SOBP: variants seen among roughly 807,000 people sequenced by gnomAD.
The protein encoded by SOBP is sine oculis binding protein homolog.
SOBP carries 4 observed loss-of-function variants against 53.6 expected under a neutral mutation model. That is an observed-to-expected ratio of 0.07 (90% confidence interval 0.04 to 0.17). The LOEUF (loss-of-function observed/expected upper bound fraction) is 0.17. Ranked by LOEUF, SOBP falls within the 10% of genes least tolerant of loss-of-function variation. The pLI, the probability that SOBP is intolerant of heterozygous loss-of-function variation, is 1.00. For missense variants in SOBP, 1,088 were observed against 1,204.7 expected, an observed-to-expected ratio of 0.90 and a Z score of 1.43; for synonymous variants, 584 against 522.6, an observed-to-expected ratio of 1.12 and a Z score of -1.60.
Position 107,635,199 on chromosome 6 carries a change from G to A in SOBP, c.2355G>A (p.Glu785=). The change falls in exon 6 of 7, where the codon GAG becomes GAA. Residue 785 remains glutamate (E), a synonymous_variant. Transcript: ENST00000317357. This position sits in a 1 kb window ranked among gnomAD's most constrained non-coding sequence, Gnocchi z 4.5. ...CTTCCAACTGCCACCTGGACGGGGA[G>A]GCGGCCAAAAAGCTGATGGGCGAGG... ...NCASNCHLDG[E]AAKKLMGEEA... is the part of the protein sequence containing the mutation. 1 of 1,613,888 alleles carries A rather than the reference G, an allele frequency of 6.2e-7. No homozygotes were observed. Among genetic ancestry groups the A allele is most frequent in the South Asian group, 1.1e-5 (1 of 91,082 alleles).
Position 107,490,598 on chromosome 6 carries a change from A to C in SOBP, c.-19A>C. On this transcript the variant is annotated 5_prime_UTR_variant, in exon 1 of 7. Transcript: ENST00000317357. ...GCGGCAGCAGCCATTTCATCTCCAC[A>C]GAAACCAGACACAAAAACATGGCAG... 1.3e-5 allele frequency: 20 copies of C among 1,585,974 alleles called. No individual in the cohort carries two copies. The highest frequency in any genetic ancestry group is 1.7e-5 in the Non-Finnish European group (20 of 1,163,372).
rs71810335 is a variant in SOBP, at chr6:107,602,568, T to TAAAAAAAAAAAAA, written c.669+15400_669+15412dup. ...CCTCTGCATAGCAACTAAGCCGCGTTAAAAAAAAAAAAAAAAAAAGGAAAG... is the reference window on the plus strand; with the variant it reads ...CCTCTGCATAGCAACTAAGCCGCGTTAAAAAAAAAAAAAAAAAAAAAAAAAAAAAAAAGGAAAG... On this transcript the variant is annotated intron_variant, in intron 5 of 6. Coordinates refer to ENST00000317357, the MANE Select transcript of SOBP (RefSeq NM_018013.4). 7.9e-4 allele frequency among the ~76,000 whole-genome samples: 81 copies of TAAAAAAAAAAAAA among 102,760 alleles called. 2 individuals carry two copies. Among genetic ancestry groups the TAAAAAAAAAAAAA allele is most frequent in the African/African-American group, 2.7e-3 (69 of 25,248 alleles). 67.4% of individuals were successfully genotyped at this position (102,760 alleles called of 152,430 possible).
chr6:107,621,558 A>G (rs1770175596), intron 5 of SOBP, among the ~76,000 whole-genome samples: 1 of 152,218 alleles, frequency 6.6e-6, no homozygotes, highest in Non-Finnish European at 1.5e-5. Context: ...ACTCTCACAC[A>G]GGTTTTAATT....
intron 5 of SOBP, among the ~76,000 whole-genome samples, chr6:107,598,865 T>C (rs1182478765): frequency 6.6e-6 from 1 of 152,206 alleles, no homozygotes; most frequent in Non-Finnish European, 1.5e-5. Flanking sequence ...TTCAAGCCAA[T>C]TTTCCTGTAA....
chr6:107,562,030 CTTTTTT>C lies in SOBP; in HGVS notation c.574-25037_574-25032del, dbSNP rs1213715418. 4.6e-5 allele frequency among the ~76,000 whole-genome samples: 6 copies of C among 130,632 alleles called. 1 individual carries two copies. The highest frequency in any genetic ancestry group is 1.4e-4 in the African/African-American group (5 of 35,848). 85.7% of individuals were successfully genotyped at this position (130,632 alleles called of 152,430 possible). A position where few individuals can be genotyped will look rare whatever the true frequency, so the allele number is the denominator to read the frequency against. ...CTTGCTTCTTAGTGGCTCCCTGGTTCTTTTTTTTTTTTTTTTTTGAGACAGGGTCTC... is the reference window on the plus strand; with the variant it reads ...CTTGCTTCTTAGTGGCTCCCTGGTTCTTTTTTTTTTTTGAGACAGGGTCTC... On this transcript the variant is annotated intron_variant, in intron 4 of 6. Transcript: ENST00000317357.
At chr6:107,605,053 C>A (rs982680346) in intron 5 of SOBP, among the ~76,000 whole-genome samples, 1 of 152,146 alleles carries the variant, frequency 6.6e-6, no homozygotes. Flanking sequence ...TCTTCCTCCT[C>A]CCCCCTCCAC....
At chr6:107,514,763 A>G (rs1375542417) in intron 3 of SOBP, 2 of 152,214 alleles carry the variant, frequency 1.3e-5, no homozygotes, top group African/African-American at 2.4e-5. Flanking sequence ...CCCTATATTT[A>G]TAAAATCCTT....
At chr6:107,655,811 G>A (rs1772009434) in intron 6 of SOBP, among the ~76,000 whole-genome samples, 1 of 152,176 alleles carries the variant, frequency 6.6e-6, no homozygotes, top group Admixed American at 6.5e-5. Flanking sequence ...TGCTGTCCGT[G>A]TTTGGTCTTT....
chr6:107,637,064 G>GA (rs1771078505), intron 6 of SOBP, among the ~76,000 whole-genome samples: 1 of 152,066 alleles, frequency 6.6e-6, no homozygotes, highest in African/African-American at 2.4e-5. Context: ...CCACCTCAGT[G>GA]GGTAAAACAA....
rs1160662200 is a variant in SOBP, at chr6:107,660,345, A to G, written c.*2142A>G. Among the ~76,000 whole-genome samples the G allele has an allele frequency of 1.3e-5, 2 of 152,168 alleles. No individual in the cohort carries two copies. Among genetic ancestry groups the G allele is most frequent in the African/African-American group, 2.4e-5 (1 of 41,438 alleles). ...GCTAGACCACGCTTGTCTGCAGACA[A>G]GAGCCCACTCCGTCCGTTCCAGGGC... On this transcript the variant is annotated 3_prime_UTR_variant, in exon 7 of 7. Coordinates refer to ENST00000317357, the MANE Select transcript of SOBP (RefSeq NM_018013.4).
chr6:107,632,332 A>C (rs150721217), intron 5 of SOBP, among the ~76,000 whole-genome samples: 143 of 149,344 alleles, frequency 9.6e-4, no homozygotes, highest in Non-Finnish European at 1.7e-3. Flanking sequence ...GCCCCCCCCC[A>C]AAAAAAAGGA....
chr6:107,588,834 A>G (rs926773219), intron 5 of SOBP, among the ~76,000 whole-genome samples: 3 of 152,208 alleles, frequency 2.0e-5, no homozygotes, highest in Admixed American at 6.5e-5. Context: ...GTTTTGAGCA[A>G]TTTGGTACAA....
chr6:107,606,035 C>T (rs980498055), intron 5 of SOBP, among the ~76,000 whole-genome samples: 1 of 150,804 alleles, frequency 6.6e-6, no homozygotes, highest in African/African-American at 2.4e-5. Context: ...CTTTCATAGC[C>T]ATTGAGAAAC....
chr6:107,533,423 T>C (rs772327595), intron 3 of SOBP, 36 bp from the exon 4 acceptor site: 1 of 1,612,608 alleles, frequency 6.2e-7, no homozygotes, highest in South Asian at 1.1e-5. Flanking sequence ...GATGTTTGCT[T>C]CTGATATGAA....
intron 4 of SOBP, among the ~76,000 whole-genome samples, chr6:107,562,095 A>G (rs1368750376): frequency 2.0e-5 from 3 of 148,542 alleles, no homozygotes; most frequent in Non-Finnish European, 3.0e-5. Context: ...CAGTGGTGCA[A>G]TCTTGGCTCA....
intron 1 of SOBP, among the ~76,000 whole-genome samples, chr6:107,501,472 A>G (rs540382111): frequency 6.6e-6 from 1 of 152,338 alleles, no homozygotes; most frequent in African/African-American, 2.4e-5. Flanking sequence ...AAAACTGGAT[A>G]TAGTCACTAG....
intron 3 of SOBP, among the ~76,000 whole-genome samples, chr6:107,523,744 C>T (rs7743906): frequency 6.6e-6 from 1 of 152,226 alleles, no homozygotes; most frequent in Non-Finnish European, 1.5e-5. Flanking sequence ...CTTACACCTG[C>T]CTACTACAGT....
At chr6:107,507,631 G>T (rs944173002) in intron 3 of SOBP, among the ~76,000 whole-genome samples, 1 of 152,036 alleles carries the variant, frequency 6.6e-6, no homozygotes, top group Non-Finnish European at 1.5e-5. Flanking sequence ...TAGCTCGTCA[G>T]CTATCGTTAA....
intron 6 of SOBP, among the ~76,000 whole-genome samples, chr6:107,638,578 C>T (rs907391201): frequency 2.0e-5 from 3 of 152,114 alleles, no homozygotes; most frequent in Non-Finnish European, 2.9e-5. Flanking sequence ...CCAGACCGTT[C>T]ATATGGTTGG....
Sources: allele counts gnomAD v4.1 joint callset (sites outside exome capture counted in the v4.1 genomes callset), GRCh38; gene constraint gnomAD v4.1.1; non-coding constraint Gnocchi (gnomAD v3.1); transcripts MANE v1.5; gene names NCBI Gene and HGNC (gene_info 2026-07-23, HGNC 2026-07-21).